USP46: variants seen among roughly 807,000 people sequenced by gnomAD.
USP46 encodes the protein ubiquitin specific peptidase 46, also known as ubiquitin carboxyl-terminal hydrolase 46.
Under a neutral mutation model 44.4 loss-of-function variants are expected in USP46, and 12 were observed. That is an observed-to-expected ratio of 0.27 (90% CI 0.17 to 0.44). The LOEUF (loss-of-function observed/expected upper bound fraction) is 0.44, where lower values mean the gene tolerates loss of function less well. USP46 is among the 20% of genes least tolerant of loss of function. USP46 has a pLI of 1.00. For synonymous variants in USP46, 155 were observed against 161.5 expected (o/e 0.96, Z 0.31); for missense variants, 248 against 444.8 (o/e 0.56, Z 3.98).
At chr4:52,633,071 C>T (rs1198200365) in intron 1 of USP46, among the ~76,000 whole-genome samples, 4 of 152,070 alleles carry the variant, frequency 2.6e-5, no homozygotes. Flanking sequence ...TCTGCTGCTA[C>T]TACTTATTTT....
intron 1 of USP46, among the ~76,000 whole-genome samples, chr4:52,641,967 G>A (rs111934812): frequency 7.9e-5 from 12 of 152,252 alleles, no homozygotes; most frequent in Non-Finnish European, 1.3e-4. Context: ...TAGATCTATC[G>A]TTCAAAAGGC....
chr4:52,643,420 G>T (rs2109657390), intron 1 of USP46, among the ~76,000 whole-genome samples: 1 of 152,332 alleles, frequency 6.6e-6, no homozygotes, highest in South Asian at 2.1e-4. Context: ...ACACAGCCAT[G>T]ATCATTCATT....
chr4:52,605,033 A>T (rs2109599393), intron 5 of USP46, among the ~76,000 whole-genome samples: 1 of 152,370 alleles, frequency 6.6e-6, no homozygotes, highest in East Asian at 1.9e-4. Flanking sequence ...ATAACATGCA[A>T]GGTGACATTA....
In USP46 at chr4:52,632,980, G is replaced by GAAAGAAAAGA. The variant is rs1553891289; in HGVS notation, c.37-1846_37-1837dup. 9.4e-4 allele frequency among the ~76,000 whole-genome samples: 67 copies of GAAAGAAAAGA among 71,474 alleles called. 2 individuals are homozygous for GAAAGAAAAGA. Among genetic ancestry groups the GAAAGAAAAGA allele is most frequent in the Middle Eastern group, 0.012 (2 of 166 alleles). 46.9% of individuals were successfully genotyped at this position (71,474 alleles called of 152,430 possible). On this transcript the variant is annotated intron_variant, in intron 1 of 8. Transcript: ENST00000441222. The stretch of plus-strand genomic sequence containing the variant: ...AGAAAGAAAGAAAGAAAGAAAGAAA[G>GAAAGAAAAGA]AAAGAAAAGAAAAGAAAGAAAGAAA...
At chr4:52,626,742 T>G (rs1156933787) in intron 3 of USP46, among the ~76,000 whole-genome samples, 1 of 152,208 alleles carries the variant, frequency 6.6e-6, no homozygotes, top group African/African-American at 2.4e-5. Flanking sequence ...TTCCATTTTC[T>G]GCCATGCACC....
chr4:52,629,777 T>C, intron 2 of USP46: 1 of 455,568 alleles, frequency 2.2e-6, no homozygotes, highest in Non-Finnish European at 4.4e-6. Context: ...CATTTACCCT[T>C]CATTATCACC....
Position 52,659,275 on chromosome 4 carries a change from T to G in USP46, c.-125A>C. ...GCGGCCTGGGGTCCGGCTTTCAGTTTGGCTGGGAGAGGGAGGCCGGGAGGA... is the reference window on the plus strand; with the variant it reads ...GCGGCCTGGGGTCCGGCTTTCAGTTGGGCTGGGAGAGGGAGGCCGGGAGGA... On this transcript the variant is annotated 5_prime_UTR_variant, in exon 1 of 9. Coordinates refer to ENST00000441222, the MANE Select transcript of USP46 (RefSeq NM_022832.4). The surrounding 1 kb of genome is among the most constrained non-coding windows in gnomAD (Gnocchi z 4.2). 13 of 785,032 alleles carry G rather than the reference T, an allele frequency of 1.7e-5. No homozygotes were observed. The highest frequency in any genetic ancestry group is 1.3e-4 in the East Asian group (1 of 7,700). The allele number at this position is 785,032 out of a possible 1,614,324, so 48.6% of individuals were successfully genotyped here.
chr4:52,658,565 C>G (rs1241148268), intron 1 of USP46, among the ~76,000 whole-genome samples: 3 of 152,224 alleles, frequency 2.0e-5, no homozygotes, highest in Non-Finnish European at 4.4e-5. Flanking sequence ...TTTTTCAAAC[C>G]AGGTTGAAGT....
intron 1 of USP46, among the ~76,000 whole-genome samples, chr4:52,657,808 GGCC>G (rs1458318962): frequency 5.2e-4 from 79 of 152,328 alleles, no homozygotes; most frequent in Admixed American, 1.6e-3. Context: ...TTGCTTTGCT[GGCC>G]GTGACAGTGG....
At position 52,594,206 on chromosome 4, in the gene USP46, A is replaced by G. The variant is rs1031217688; in HGVS notation, c.*3434T>C. The G allele has an allele frequency of 1.3e-5, 2 of 152,174 alleles. No homozygotes were observed. Among genetic ancestry groups the G allele is most frequent in the Non-Finnish European group, 2.9e-5 (2 of 68,028 alleles). The allele number at this position is 152,174 out of a possible 1,614,324, so 9.4% of individuals were successfully genotyped here. On this transcript the variant is annotated 3_prime_UTR_variant, in exon 9 of 9. Transcript: ENST00000441222. ...TTTATTCATTTATTTATTTTTTGCA[A>G]ACAATTTTAGAGGCAGGGTGTTAAA...
intron 7 of USP46, among the ~76,000 whole-genome samples, chr4:52,601,048 G>A (rs968659169): frequency 5.9e-5 from 9 of 152,090 alleles, no homozygotes; most frequent in African/African-American, 1.7e-4. Context: ...ATTCCTCTGC[G>A]TGGCAATGGT....
rs1716228774 is a variant in USP46, at chr4:52,596,075, GCTTA to G, written c.*1561_*1564del. On this transcript the variant is annotated 3_prime_UTR_variant, in exon 9 of 9. Transcript: ENST00000441222. The stretch of plus-strand genomic sequence containing the variant: ...GCATAAACAAACGAAATGTTGGCAT[GCTTA>G]CTTAAGTTCTGAGCAATAAACAGTT... 1.3e-5 allele frequency: 2 copies of G among 152,598 alleles called. No individual in the cohort carries two copies. The highest frequency in any genetic ancestry group is 2.9e-5 in the Non-Finnish European group (2 of 68,024). The allele number at this position is 152,598 out of a possible 1,614,324, so 9.5% of individuals were successfully genotyped here.
intron 4 of USP46, among the ~76,000 whole-genome samples, chr4:52,620,209 AAAC>A (rs374249286): frequency 4.7e-4 from 72 of 152,200 alleles, no homozygotes; most frequent in African/African-American, 1.1e-3. Context: ...TTTCATAGAA[AAAC>A]AACAACAACA....
chr4:52,635,080 C>CTTTT (rs74931782), intron 1 of USP46, among the ~76,000 whole-genome samples: 2 of 135,422 alleles, frequency 1.5e-5, no homozygotes, highest in South Asian at 2.4e-4. Flanking sequence ...TCTACTTCTT[C>CTTTT]TTTTTTTTTT....
chr4:52,620,836 T>C (rs1242942791), intron 4 of USP46, among the ~76,000 whole-genome samples: 1 of 152,264 alleles, frequency 6.6e-6, no homozygotes, highest in East Asian at 1.9e-4. Flanking sequence ...CATAGCTGCA[T>C]TGTTCATATT....
intron 1 of USP46, among the ~76,000 whole-genome samples, chr4:52,646,014 TG>T (rs1228042586): frequency 6.6e-6 from 1 of 152,232 alleles, no homozygotes; most frequent in Non-Finnish European, 1.5e-5. Flanking sequence ...TCATGCTTCC[TG>T]TTAAGCCTTT....
rs946047147 is a variant in USP46 at position 52,596,986 on chromosome 4, G to T, written c.*654C>A. On this transcript the variant is annotated 3_prime_UTR_variant, in exon 9 of 9. Transcript: ENST00000441222. ...ACTTTGTCTGCCCTGAGCCTTCTTA[G>T]CCCCTGGAATTGTAATGGCTAGGTC... 3.3e-5 allele frequency: 5 copies of T among 152,548 alleles called. No individual in the cohort carries two copies. The highest frequency in any genetic ancestry group is 1.2e-4 in the African/African-American group (5 of 41,420). The allele number at this position is 152,548 out of a possible 1,614,324, so 9.4% of individuals were successfully genotyped here.
chr4:52,659,266 C>T lies in USP46; in HGVS notation c.-116G>A. The stretch of plus-strand genomic sequence containing the variant: ...GGCAGCGCGGCGGCCTGGGGTCCGG[C>T]TTTCAGTTTGGCTGGGAGAGGGAGG... On this transcript the variant is annotated 5_prime_UTR_variant, in exon 1 of 9. Coordinates refer to ENST00000441222, the MANE Select transcript of USP46 (RefSeq NM_022832.4). This position sits in a 1 kb window ranked among gnomAD's most constrained non-coding sequence, Gnocchi z 4.2. 9.1e-7 allele frequency: 1 copy of T among 1,103,250 alleles called. No homozygotes were observed. The highest frequency in any genetic ancestry group is 1.2e-6 in the Non-Finnish European group (1 of 843,816). The allele number at this position is 1,103,250 out of a possible 1,614,324, so 68.3% of individuals were successfully genotyped here. A position where few individuals can be genotyped will look rare whatever the true frequency, so the allele number is the denominator to read the frequency against.
intron 1 of USP46, among the ~76,000 whole-genome samples, chr4:52,653,069 A>G (rs1718826384): frequency 6.6e-6 from 1 of 152,190 alleles, no homozygotes; most frequent in African/African-American, 2.4e-5. Flanking sequence ...TATCCATTGC[A>G]AAGAATCATT....
Sources: gnomAD v4.1 joint callset for allele counts (sites outside exome capture counted in the v4.1 genomes callset) on GRCh38, gnomAD v4.1.1 for gene constraint, Gnocchi (gnomAD v3.1) non-coding constraint, MANE v1.5 for transcripts, NCBI Gene and HGNC (gene_info 2026-07-23, HGNC 2026-07-21) for gene names.